PTPRE: variants seen among roughly 807,000 people sequenced by gnomAD.
The protein encoded by PTPRE is protein tyrosine phosphatase receptor type E, also known as receptor-type tyrosine-protein phosphatase epsilon.
Under a neutral mutation model 102.0 loss-of-function variants are expected in PTPRE, and 51 were observed. The ratio of observed to expected loss-of-function variants is 0.50; its 90% CI spans 0.40 to 0.63. The LOEUF (loss-of-function observed/expected upper bound fraction) is 0.63. Among genes scored for constraint, PTPRE ranks in the 30% least tolerant of loss-of-function variants. The pLI is 0.00. For missense variants in PTPRE, 752 were observed against 915.1 expected, an observed-to-expected ratio of 0.82 and a Z score of 2.30; for synonymous variants, 345 against 348.2, an observed-to-expected ratio of 0.99 and a Z score of 0.10.
At chr10:127,928,150 G>A (rs571555903) in intron 1 of PTPRE, among the ~76,000 whole-genome samples, 2 of 152,314 alleles carry the variant, frequency 1.3e-5, no homozygotes, top group East Asian at 3.9e-4. Flanking sequence ...GGGGTAAAGT[G>A]GATGACTCAC....
chr10:127,999,633 CTGAT>C (rs1853664960), intron 2 of PTPRE: 7 of 984,942 alleles, frequency 7.1e-6, no homozygotes, highest in South Asian at 4.7e-5. Context: ...TTCTTACTGA[CTGAT>C]TATGAACTTA....
intron 1 of PTPRE, among the ~76,000 whole-genome samples, chr10:127,952,369 C>CA (rs769059757): frequency 4.6e-5 from 6 of 131,294 alleles, no homozygotes; most frequent in African/African-American, 1.4e-4. Flanking sequence ...TCACCCAAAC[C>CA]AAAAAAAGTT....
At chr10:128,080,829 G>A (rs1851647386) in intron 20 of PTPRE, among the ~76,000 whole-genome samples, 1 of 152,182 alleles carries the variant, frequency 6.6e-6, no homozygotes, top group African/African-American at 2.4e-5. Flanking sequence ...CCGTGGCGAG[G>A]GCTCCAGAGC....
chr10:127,935,037 TTTC>T (rs1451031892), intron 1 of PTPRE, among the ~76,000 whole-genome samples: 1 of 152,178 alleles, frequency 6.6e-6, no homozygotes, highest in Non-Finnish European at 1.5e-5. Context: ...TGCAAACCCT[TTTC>T]TTAGCAGGTG....
intron 8 of PTPRE, 71 bp from the exon 9 acceptor site, chr10:128,061,608 C>T (rs1279962830): frequency 6.6e-7 from 1 of 1,525,764 alleles, no homozygotes; most frequent in East Asian, 2.4e-5. Flanking sequence ...GCTTTCCTAA[C>T]AGCAACACCA....
chr10:127,922,009 G>A (rs1187068545), intron 1 of PTPRE, among the ~76,000 whole-genome samples: 1 of 152,244 alleles, frequency 6.6e-6, no homozygotes, highest in Non-Finnish European at 1.5e-5. Context: ...CTAAAGGAAA[G>A]CAATGGAATA....
intron 2 of PTPRE, among the ~76,000 whole-genome samples, chr10:128,026,383 C>T (rs918500261): frequency 1.3e-5 from 2 of 152,260 alleles, no homozygotes; most frequent in African/African-American, 2.4e-5. Context: ...CTCCTTTCCA[C>T]CTGGCTGGCA....
chr10:127,912,490 A>G (rs1258819616), intron 1 of PTPRE, among the ~76,000 whole-genome samples: 1 of 152,194 alleles, frequency 6.6e-6, no homozygotes, highest in Non-Finnish European at 1.5e-5. Flanking sequence ...CCAAAAACAA[A>G]TATAAAGTCC....
chr10:127,916,324 A>G (rs1846205576), intron 1 of PTPRE, among the ~76,000 whole-genome samples: 1 of 152,086 alleles, frequency 6.6e-6, no homozygotes, highest in African/African-American at 2.4e-5. Context: ...ATGGTTTTAT[A>G]AGGGGCTCTT....
At chr10:127,916,505 G>A (rs1472220533) in intron 1 of PTPRE, among the ~76,000 whole-genome samples, 1 of 152,168 alleles carries the variant, frequency 6.6e-6, no homozygotes, top group African/African-American at 2.4e-5. Context: ...CCCAGTCTTA[G>A]GCAGTTCTTT....
At chr10:128,012,234 C>T (rs530767058) in intron 2 of PTPRE, among the ~76,000 whole-genome samples, 147 of 152,286 alleles carry the variant, frequency 9.7e-4, no homozygotes, top group African/African-American at 3.2e-3. Context: ...GAGTGCTGGC[C>T]GCCTCCTGGA....
intron 1 of PTPRE, among the ~76,000 whole-genome samples, chr10:127,928,772 G>A (rs933513440): frequency 6.6e-5 from 10 of 152,162 alleles, no homozygotes; most frequent in East Asian, 1.9e-4. Context: ...AGGCCTCATT[G>A]ATGAATTCAC....
intron 2 of PTPRE, among the ~76,000 whole-genome samples, chr10:128,004,377 T>C (rs997688058): frequency 6.6e-6 from 1 of 152,074 alleles, no homozygotes; most frequent in South Asian, 2.1e-4. Flanking sequence ...ATTTTCATCA[T>C]CCAAAATGAA....
In PTPRE at chr10:128,076,735, T is replaced by C. The variant is rs1266708198; in HGVS notation, c.1725+7T>C. ...TCTGGTCACTCTCAATCAGGTATTGTTGAAGTAGCTCTTTAAACGCTTGTG... is the reference window on the plus strand; with the variant it reads ...TCTGGTCACTCTCAATCAGGTATTGCTGAAGTAGCTCTTTAAACGCTTGTG... On this transcript the variant is annotated splice_region_variant and intron_variant, in intron 18 of 20. Coordinates refer to ENST00000254667, the MANE Select transcript of PTPRE (RefSeq NM_006504.6). 2 of 1,611,150 alleles carry C rather than the reference T, an allele frequency of 1.2e-6. No homozygotes were observed. The highest frequency in any genetic ancestry group is 1.7e-6 in the Non-Finnish European group (2 of 1,179,330).
At chr10:128,018,536 A>G (rs1845615405) in intron 2 of PTPRE, among the ~76,000 whole-genome samples, 1 of 152,188 alleles carries the variant, frequency 6.6e-6, no homozygotes, top group Non-Finnish European at 1.5e-5. Flanking sequence ...TGCTATTCCT[A>G]GAGCAGGAGG....
intron 2 of PTPRE, among the ~76,000 whole-genome samples, chr10:128,034,784 A>C (rs1195944103): frequency 6.6e-6 from 1 of 152,240 alleles, no homozygotes; most frequent in African/African-American, 2.4e-5. Context: ...GCTAATCTAA[A>C]AAAATGCAGG....
rs150697215 is a variant in PTPRE at position 127,976,816 on chromosome 10, G to A, written c.-30-5458G>A. On this transcript the variant is annotated intron_variant, in intron 1 of 20. Transcript: ENST00000254667. Reference sequence around the variant, plus strand: ...TAACAGCTTTACTGTTGCCTGGAAGGTAAACAAGGAAGCTGTGAGTATGAT... The same window carrying A: ...TAACAGCTTTACTGTTGCCTGGAAGATAAACAAGGAAGCTGTGAGTATGAT... Among the ~76,000 whole-genome samples, 292 of 152,270 alleles carry A rather than the reference G, an allele frequency of 1.9e-3. 1 individual carries two copies. Among genetic ancestry groups the A allele is most frequent in the African/African-American group, 6.7e-3 (278 of 41,548 alleles).
chr10:128,059,968 A>C (rs1292884493), intron 7 of PTPRE, among the ~76,000 whole-genome samples: 1 of 150,124 alleles, frequency 6.7e-6, no homozygotes, highest in Non-Finnish European at 1.5e-5. Flanking sequence ...CACACACTAC[A>C]CACCCACCGC....
chr10:127,981,748 C>T (rs1195593113), intron 1 of PTPRE, among the ~76,000 whole-genome samples: 5 of 150,834 alleles, frequency 3.3e-5, no homozygotes, highest in South Asian at 2.1e-4. Flanking sequence ...AACTGGGAGG[C>T]GAAGTTTGCA....
Sources: gnomAD v4.1 joint callset for allele counts (sites outside exome capture counted in the v4.1 genomes callset) on GRCh38, gnomAD v4.1.1 for gene constraint, MANE v1.5 for transcripts, NCBI Gene and HGNC (gene_info 2026-07-23, HGNC 2026-07-21) for gene names.